VAPA: variants seen among roughly 807,000 people sequenced by gnomAD.
The protein encoded by VAPA is vesicle-associated membrane protein-associated protein A.
Under a neutral mutation model 25.6 loss-of-function variants are expected in VAPA, and 6 were observed. The observed-to-expected ratio is 0.23, with a 90% CI of 0.13 to 0.46. The LOEUF (loss-of-function observed/expected upper bound fraction) is 0.46, where lower values mean the gene tolerates loss of function less well. Among genes scored for constraint, VAPA ranks in the 20% least tolerant of loss-of-function variants. The probability of loss-of-function intolerance (pLI) is 0.99; values close to 1 mark genes in which losing one functional copy is unlikely to be tolerated. For synonymous variants in VAPA, 112 were observed against 106.2 expected (o/e 1.05, Z -0.34); for missense variants, 244 against 302.1 (o/e 0.81, Z 1.43).
chr18:9,918,203 G>T (rs1238612543), intron 1 of VAPA, among the ~76,000 whole-genome samples: 2 of 152,116 alleles, frequency 1.3e-5, no homozygotes, highest in Non-Finnish European at 1.5e-5. Context: ...ATGTTTTCCT[G>T]CTGGTTTTCA....
At chr18:9,928,135 G>A (rs2069217744) in intron 1 of VAPA, among the ~76,000 whole-genome samples, 1 of 151,966 alleles carries the variant, frequency 6.6e-6, no homozygotes, top group African/African-American at 2.4e-5. Context: ...TTCATATTGG[G>A]CAAATGATAG....
exon 6 of VAPA, chr18:9,960,019 GTATT>G (rs1228110990): frequency 6.6e-6 from 1 of 152,090 alleles, no homozygotes; most frequent in African/African-American, 2.4e-5. Context: ...GTTTTGCAAA[GTATT>G]TCTTTGGGTG....
chr18:9,936,889 A>T, intron 3 of VAPA, 97 bp from the exon 4 acceptor site: 1 of 992,204 alleles, frequency 1.0e-6, no homozygotes, highest in Non-Finnish European at 1.5e-6. Context: ...CAGCCAAGCC[A>T]GGCAGCTTCA....
At chr18:9,950,041 G>A (rs370239414) in intron 4 of VAPA, 24 of 183,632 alleles carry the variant, frequency 1.3e-4, no homozygotes, top group African/African-American at 3.6e-4. Context: ...TTTTGTTGAC[G>A]TCATTCAGCA....
intron 4 of VAPA, chr18:9,949,984 C>T (rs78925647): frequency 0.012 from 1,883 of 162,550 alleles, 13 homozygotes; most frequent in Admixed American, 0.018. Flanking sequence ...CCCCCAGAAC[C>T]TTATTTGAAT....
At position 9,954,337 on chromosome 18, in the gene VAPA, T is replaced by C. The variant is rs2069521701; in HGVS notation, c.*126T>C. On this transcript the variant is annotated 3_prime_UTR_variant, in exon 6 of 6. Transcript: ENST00000400000. ...ATTTTTTTGTGTGTACAGCGTCATA[T>C]AGGCTTTGCCTTTAATGATCTCTTA... 4 of 807,464 alleles carry C rather than the reference T, an allele frequency of 5.0e-6. No homozygotes were observed. Among genetic ancestry groups the C allele is most frequent in the South Asian group, 1.8e-5 (1 of 56,718 alleles). The allele number at this position is 807,464 out of a possible 1,614,324, so 50.0% of individuals were successfully genotyped here.
intron 1 of VAPA, among the ~76,000 whole-genome samples, chr18:9,920,115 G>A (rs1202475660): frequency 4.6e-5 from 7 of 152,154 alleles, no homozygotes; most frequent in Non-Finnish European, 1.5e-5. Flanking sequence ...TTATTTGGGG[G>A]TGTGTGAGAG....
intron 2 of VAPA, among the ~76,000 whole-genome samples, chr18:9,934,639 A>G (rs1422846193): frequency 1.3e-5 from 2 of 152,212 alleles, no homozygotes; most frequent in Non-Finnish European, 2.9e-5. Context: ...GTAGAGATAT[A>G]TCTTAGAAAT....
chr18:9,925,742 TA>T (rs1408127888), intron 1 of VAPA, among the ~76,000 whole-genome samples: 1 of 152,116 alleles, frequency 6.6e-6, no homozygotes, highest in African/African-American at 2.4e-5. Flanking sequence ...AAATGTAAAA[TA>T]TTTTTTGAGT....
chr18:9,935,760 A>AT (rs2069303273), intron 2 of VAPA, among the ~76,000 whole-genome samples: 1 of 152,178 alleles, frequency 6.6e-6, no homozygotes, highest in African/African-American at 2.4e-5. Context: ...AGTTTTGAAA[A>AT]TTTTCACAAG....
At position 9,950,410 on chromosome 18, in the gene VAPA, A is replaced by G. The variant is rs760552324; in HGVS notation, c.433A>G (p.Ser145Gly). 6 of 1,613,654 alleles carry G rather than the reference A, an allele frequency of 3.7e-6. No homozygotes were observed. The highest frequency in any genetic ancestry group is 5.1e-6 in the Non-Finnish European group (6 of 1,179,880). ...TGTAATGCAGAATGATATGGAACCT[A>G]GCAAAGCTGTTCCACTGAATGCATC... ...ENDKLNDMEP[S>G]KAVPLNASKQ... Residue 145 changes from serine (S) to glycine (G), a missense_variant, in exon 5 of 6, where the codon AGC becomes GGC. Coordinates refer to ENST00000400000, the MANE Select transcript of VAPA (RefSeq NM_194434.3).
rs1567904162 is a variant in VAPA at position 9,954,038 on chromosome 18, GTGT to G, written c.592-13_592-11del. On this transcript the variant is annotated splice_polypyrimidine_tract_variant and intron_variant, in intron 5 of 5. Coordinates refer to ENST00000400000, the MANE Select transcript of VAPA (RefSeq NM_194434.3). Reference sequence around the variant, plus strand: ...TTGTTTTTAAAAACCTTTTGTGTGTGTGTTTTTTTTCTAGGATGAAGGTTTAAG... The same window carrying G: ...TTGTTTTTAAAAACCTTTTGTGTGTGTTTTTTTCTAGGATGAAGGTTTAAG... 2.5e-6 allele frequency: 4 copies of G among 1,612,926 alleles called. No homozygotes were observed. In the Admixed American group the frequency reaches 6.7e-5, roughly 27 times the overall value.
At chr18:9,918,141 A>G (rs535230520) in intron 1 of VAPA, among the ~76,000 whole-genome samples, 139 of 152,110 alleles carry the variant, frequency 9.1e-4, no homozygotes, top group African/African-American at 2.9e-3. Context: ...TTGTTCCTCT[A>G]TTTTTGCTGG....
intron 2 of VAPA, among the ~76,000 whole-genome samples, chr18:9,933,709 T>C (rs1008513599): frequency 3.3e-5 from 5 of 152,186 alleles, no homozygotes; most frequent in South Asian, 2.1e-4. Flanking sequence ...GGCTCATTTT[T>C]GTATTTTTAG....
intron 1 of VAPA, among the ~76,000 whole-genome samples, chr18:9,925,381 C>T (rs1255847105): frequency 6.6e-6 from 1 of 152,034 alleles, no homozygotes; most frequent in African/African-American, 2.4e-5. Context: ...TTCCATTAAT[C>T]TCAGGATCCA....
At chr18:9,940,054 C>T (rs532431056) in intron 4 of VAPA, among the ~76,000 whole-genome samples, 83 of 152,242 alleles carry the variant, frequency 5.5e-4, no homozygotes, top group African/African-American at 2.0e-3. Flanking sequence ...GAACAAATGC[C>T]AAAGTTTCTC....
intron 1 of VAPA, among the ~76,000 whole-genome samples, chr18:9,920,047 G>T (rs2069143699): frequency 6.6e-6 from 1 of 152,106 alleles, no homozygotes; most frequent in African/African-American, 2.4e-5. Flanking sequence ...TATATAACTG[G>T]GGAAATGGTG....
Position 9,941,899 on chromosome 18 carries a change from G to A in VAPA, c.417+4833G>A, listed in dbSNP as rs565209990. Among the ~76,000 whole-genome samples, 78 of 152,266 alleles carry A rather than the reference G, an allele frequency of 5.1e-4. 1 individual carries two copies. Among genetic ancestry groups the A allele is most frequent in the Admixed American group, 2.0e-3 (31 of 15,300 alleles). On this transcript the variant is annotated intron_variant, in intron 4 of 5. Transcript: ENST00000400000. ...AAATGGTTTGAAAACTGTTGGTGAT[G>A]TATTTTTTAAAAGTATAGAGTAGAA... is the stretch of plus-strand genomic sequence containing the variant.
intron 2 of VAPA, among the ~76,000 whole-genome samples, chr18:9,934,479 A>T (rs1451620053): frequency 6.6e-6 from 1 of 152,192 alleles, no homozygotes; most frequent in African/African-American, 2.4e-5. Flanking sequence ...TTTATCCAGT[A>T]CATTTCCTGC....
Sources: gnomAD v4.1 joint callset for allele counts (sites outside exome capture counted in the v4.1 genomes callset) on GRCh38, gnomAD v4.1.1 for gene constraint, MANE v1.5 for transcripts, NCBI Gene and HGNC (gene_info 2026-07-23, HGNC 2026-07-21) for gene names.